The following GPM6A variants were observed in gnomAD, a reference collection of about 807,000 sequenced individuals.
The protein encoded by GPM6A is neuronal membrane glycoprotein M6-a.
Under a neutral mutation model 32.1 loss-of-function variants are expected in GPM6A, and 7 were observed. The ratio of observed to expected loss-of-function variants is 0.22; its 90% confidence interval spans 0.12 to 0.41. The LOEUF (loss-of-function observed/expected upper bound fraction) is 0.41. Ranked by LOEUF, GPM6A falls within the 10% of genes least tolerant of loss-of-function variation. The probability of loss-of-function intolerance (pLI) is 1.00; values close to 1 mark genes in which losing one functional copy is unlikely to be tolerated. For missense variants in GPM6A, 235 were observed against 347.2 expected (o/e 0.68, Z 2.57); for synonymous variants, 130 against 123.4 (o/e 1.05, Z -0.35).
intron 1 of GPM6A, chr4:175,805,972 G>T (rs1734680752): frequency 6.6e-6 from 1 of 152,130 alleles, no homozygotes; most frequent in Non-Finnish European, 1.5e-5. Context: ...CAAGACAATG[G>T]TCACAACTTG....
At chr4:175,873,185 C>G (rs1311511904) in intron 1 of GPM6A, among the ~76,000 whole-genome samples, 1 of 131,704 alleles carries the variant, frequency 7.6e-6, no homozygotes, top group Non-Finnish European at 1.7e-5. Context: ...ATAAGTAGGT[C>G]CTAAAAAAAA....
chr4:175,712,500 G>A (rs1745611010), intron 1 of GPM6A, among the ~76,000 whole-genome samples: 1 of 152,232 alleles, frequency 6.6e-6, no homozygotes, highest in Non-Finnish European at 1.5e-5. Flanking sequence ...TAAAGCAAAT[G>A]CTTTTATTTA....
chr4:175,732,332 A>C (rs1286808582), intron 1 of GPM6A, among the ~76,000 whole-genome samples: 1 of 151,486 alleles, frequency 6.6e-6, no homozygotes, highest in African/African-American at 2.4e-5. Context: ...CTTATCCAAA[A>C]CCCTCTGGTG....
chr4:175,705,822 T>C (rs1026909961), intron 1 of GPM6A, among the ~76,000 whole-genome samples: 4 of 152,260 alleles, frequency 2.6e-5, no homozygotes, highest in African/African-American at 9.6e-5. Context: ...GATATTTTTT[T>C]CTTGAGAAAC....
At chr4:175,796,607 G>C (rs1418461553) in intron 1 of GPM6A, among the ~76,000 whole-genome samples, 1 of 152,090 alleles carries the variant, frequency 6.6e-6, no homozygotes, top group South Asian at 2.1e-4. Context: ...TTCATTATAA[G>C]TATGTAAAAG....
rs574875334 is a variant in GPM6A, at chr4:175,782,748, G to T, written c.37+29443C>A. 1.1e-4 allele frequency among the ~76,000 whole-genome samples: 17 copies of T among 152,094 alleles called. No homozygotes were observed. The South Asian group carries it at 3.5e-3, about 32-fold the overall frequency. On this transcript the variant is annotated intron_variant, in intron 1 of 6. Coordinates refer to ENST00000393658, the MANE Select transcript of GPM6A (RefSeq NM_201591.3). ...ACCTTATTTATTGGACATAGCTTAAGAAATAGAACTTATTAATAAATAAAT... is the reference window on the plus strand; with the variant it reads ...ACCTTATTTATTGGACATAGCTTAATAAATAGAACTTATTAATAAATAAAT...
chr4:175,759,666 G>C (rs970584069), intron 1 of GPM6A, among the ~76,000 whole-genome samples: 1 of 152,048 alleles, frequency 6.6e-6, no homozygotes, highest in Non-Finnish European at 1.5e-5. Context: ...ATGAACACTG[G>C]GGTTTGTGAA....
At chr4:175,872,172 TG>T (rs1736931244) in intron 1 of GPM6A, among the ~76,000 whole-genome samples, 1 of 152,226 alleles carries the variant, frequency 6.6e-6, no homozygotes, top group South Asian at 2.1e-4. Context: ...CTCTCATTTT[TG>T]CACAGTTTAC....
chr4:175,813,229 A>T (rs1734997963), upstream of GPM6A: 1 of 242,480 alleles, frequency 4.1e-6, no homozygotes, highest in Non-Finnish European at 6.6e-6. Flanking sequence ...GAGAAGAGTG[A>T]TGTAAGGGAG....
intron 3 of GPM6A, among the ~76,000 whole-genome samples, chr4:175,665,736 C>T (rs892448930): frequency 2.0e-5 from 3 of 150,820 alleles, no homozygotes; most frequent in Non-Finnish European, 4.4e-5. Flanking sequence ...GAGCAGAGAT[C>T]ATGCCACTGC....
intron 1 of GPM6A, among the ~76,000 whole-genome samples, chr4:175,748,096 T>C (rs970898969): frequency 2.0e-5 from 3 of 152,174 alleles, no homozygotes; most frequent in African/African-American, 7.2e-5. Flanking sequence ...ATTCTAGTTC[T>C]CTTGTTCTTT....
intron 1 of GPM6A, among the ~76,000 whole-genome samples, chr4:175,752,611 G>T (rs1732380131): frequency 5.9e-5 from 9 of 152,250 alleles, no homozygotes. Flanking sequence ...TTGAAGGTTG[G>T]TTTCAAGTCC....
chr4:175,961,938 A>G (rs1484935551), intron 1 of GPM6A: 3 of 455,390 alleles, frequency 6.6e-6, no homozygotes, highest in Non-Finnish European at 1.2e-5. Flanking sequence ...AGGACAGGAC[A>G]GGACAGTGCT....
intron 2 of GPM6A, among the ~76,000 whole-genome samples, chr4:175,686,599 A>T (rs1450738914): frequency 6.6e-6 from 1 of 152,196 alleles, no homozygotes; most frequent in Non-Finnish European, 1.5e-5. Flanking sequence ...CAGAGTCAGG[A>T]ACAAGCAAGG....
intron 1 of GPM6A, among the ~76,000 whole-genome samples, chr4:175,838,006 C>G (rs1230258516): frequency 6.6e-6 from 1 of 151,550 alleles, no homozygotes; most frequent in African/African-American, 2.4e-5. Context: ...TCAGAGAAAA[C>G]ACCAAATTTC....
intron 2 of GPM6A, among the ~76,000 whole-genome samples, chr4:175,678,918 C>T (rs1221408890): frequency 6.6e-6 from 1 of 152,112 alleles, no homozygotes; most frequent in African/African-American, 2.4e-5. Flanking sequence ...TTCTCTGTAA[C>T]ATTTTATCTC....
At chr4:175,739,205 T>C (rs929767414) in intron 1 of GPM6A, among the ~76,000 whole-genome samples, 1 of 152,184 alleles carries the variant, frequency 6.6e-6, no homozygotes, top group Non-Finnish European at 1.5e-5. Context: ...AAAATTGGTA[T>C]GTTTGTTATT....
chr4:175,651,895 G>A lies in GPM6A; in HGVS notation c.480C>T (p.Thr160=), dbSNP rs1741829064. 6.2e-7 allele frequency: 1 copy of A among 1,613,160 alleles called. No individual in the cohort carries two copies. Among genetic ancestry groups the A allele is most frequent in the African/African-American group, 1.3e-5 (1 of 74,852 alleles). The change falls in exon 4 of 7, where the codon ACC becomes ACT. Residue 160 remains threonine, a synonymous_variant. Coordinates refer to ENST00000393658, the MANE Select transcript of GPM6A (RefSeq NM_201591.3). ...CCACTAATGTGGTGTTCCGGCAGATGGTCCACAGATTGAAGTACATGTAAA... is the reference window on the plus strand; with the variant it reads ...CCACTAATGTGGTGTTCCGGCAGATAGTCCACAGATTGAAGTACATGTAAA... The part of the protein sequence containing the change: ...LPVYMYFNLW[T]ICRNTTLVEG...
At chr4:175,750,957 C>G (rs1324317342) in intron 1 of GPM6A, among the ~76,000 whole-genome samples, 1 of 152,066 alleles carries the variant, frequency 6.6e-6, no homozygotes, top group Non-Finnish European at 1.5e-5. Flanking sequence ...TTATAATCTT[C>G]AGGGAAATTC....
Sources: allele counts gnomAD v4.1 joint callset (sites outside exome capture counted in the v4.1 genomes callset), GRCh38; gene constraint gnomAD v4.1.1; transcripts MANE v1.5; gene names NCBI Gene and HGNC (gene_info 2026-07-23, HGNC 2026-07-21).